The following PASD1 variants were observed in gnomAD, a reference collection of about 807,000 sequenced individuals.
PASD1 encodes the protein PAS domain containing repressor 1, also known as circadian clock protein PASD1.
Under a neutral mutation model 58.8 loss-of-function variants are expected in PASD1, and 13 were observed. The observed-to-expected ratio is 0.22, with a 90% confidence interval of 0.14 to 0.35. The LOEUF is 0.35. Among genes scored for constraint, PASD1 ranks in the 10% least tolerant of loss-of-function variants. The pLI, the probability that PASD1 is intolerant of heterozygous loss-of-function variation, is 1.00. For synonymous variants in PASD1, 236 were observed against 216.7 expected (o/e 1.09, Z -0.78); for missense variants, 734 against 568.3 (o/e 1.29, Z -2.96).
At chrX:151,674,309 C>T in intron 15 of PASD1, 123 bp downstream of exon 15, 1 of 891,188 alleles carries the variant, frequency 1.1e-6, no homozygotes, top group South Asian at 2.4e-5. Flanking sequence ...AAGCTCAGTA[C>T]ATTTGACGGC....
rs1365819952 is a variant in PASD1 at position 151,634,272 on chromosome X, C to G, written c.629+8742C>G. Among the ~76,000 whole-genome samples, 3 of 110,950 alleles carry G rather than the reference C, an allele frequency of 2.7e-5. No individual in the cohort carries two copies. The South Asian group carries it at 1.2e-3, about 43-fold the overall frequency. On this transcript the variant is annotated intron_variant, in intron 8 of 15. Coordinates refer to ENST00000370357, the MANE Select transcript of PASD1 (RefSeq NM_173493.3). ...CCATCTTTTCTTCCCTCTCTCTTCT[C>G]TCTCTCTTCATATAGATAGATATTT...
At position 151,604,748 on chromosome X, in the gene PASD1, T is replaced by G. The variant is rs878954560; in HGVS notation, c.117+14T>G. The G allele has an allele frequency of 9.7e-6, 11 of 1,128,678 alleles. No homozygotes were observed. The South Asian group carries it at 2.0e-4, about 21-fold the overall frequency. The allele number at this position is 1,128,678 out of a possible 1,213,427, so 93.0% of individuals were successfully genotyped here. ...GTGACGCTACAGGTAAGAGGGCTTT[T>G]GTTCTTTGATTACTTCATATGTTGA... On this transcript the variant is annotated intron_variant, in intron 3 of 15. Transcript: ENST00000370357.
chrX:151,632,398 T>A (rs371595448), intron 8 of PASD1, among the ~76,000 whole-genome samples: 3 of 110,926 alleles, frequency 2.7e-5, no homozygotes, highest in Admixed American at 9.6e-5. Context: ...GGCAGAAGCA[T>A]ATGTTTGAGA....
chrX:151,616,614 C>T (rs889708195), intron 4 of PASD1, among the ~76,000 whole-genome samples: 4 of 110,529 alleles, frequency 3.6e-5, no homozygotes, highest in Non-Finnish European at 7.6e-5. Flanking sequence ...TGTCATTCCC[C>T]CTGAAAATAA....
intron 14 of PASD1, chrX:151,673,653 C>T (rs1357050029): frequency 5.1e-6 from 2 of 388,509 alleles, no homozygotes; most frequent in Non-Finnish European, 9.0e-6. Context: ...TTTCCAAGGC[C>T]ACAGAGAGCA....
chrX:151,602,880 T>C (rs2013437861), intron 2 of PASD1, among the ~76,000 whole-genome samples: 1 of 111,950 alleles, frequency 8.9e-6, no homozygotes, highest in Non-Finnish European at 1.9e-5. Flanking sequence ...GATCTTGTCA[T>C]CTCTTTAAAT....
At chrX:151,635,938 T>C (rs1000633355) in intron 8 of PASD1, among the ~76,000 whole-genome samples, 5 of 111,921 alleles carry the variant, frequency 4.5e-5, no homozygotes, top group African/African-American at 1.6e-4. Context: ...TAGCTTGATT[T>C]AGCCATCCCG....
At chrX:151,577,815 T>C (rs2013032341) in intron 1 of PASD1, among the ~76,000 whole-genome samples, 2 of 112,066 alleles carry the variant, frequency 1.8e-5, no homozygotes, top group Middle Eastern at 4.7e-3. Context: ...CGTGAGCCAC[T>C]GCGCCCGGCC....
chrX:151,629,689 T>G (rs2013841555), intron 8 of PASD1, among the ~76,000 whole-genome samples: 2 of 112,195 alleles, frequency 1.8e-5, no homozygotes, highest in South Asian at 7.4e-4. Flanking sequence ...AACTCAAGTT[T>G]TGCTATAAGG....
At position 151,619,489 on chromosome X, in the gene PASD1, C is replaced by T. The variant is rs150289351; in HGVS notation, c.208-1441C>T. 4.3e-3 allele frequency among the ~76,000 whole-genome samples: 475 copies of T among 111,197 alleles called. 3 individuals are homozygous for T. The highest frequency in any genetic ancestry group is 0.014 in the African/African-American group (440 of 30,659). On this transcript the variant is annotated intron_variant, in intron 4 of 15. Transcript: ENST00000370357. ...CTAATGACTATAAGCCCTGGCACTC[C>T]GATGCCTAGTATTCAGGAAGCAAGA...
At chrX:151,608,438 A>T (rs2124258634) in intron 3 of PASD1, among the ~76,000 whole-genome samples, 1 of 111,805 alleles carries the variant, frequency 8.9e-6, no homozygotes, top group Admixed American at 9.6e-5. Flanking sequence ...GAAACGAATC[A>T]CTTGCTAGTT....
At chrX:151,661,027 C>T (rs1005989782) in intron 10 of PASD1, among the ~76,000 whole-genome samples, 19 of 110,629 alleles carry the variant, frequency 1.7e-4, no homozygotes, top group Admixed American at 1.1e-3. Flanking sequence ...GTGGCAGGCA[C>T]GCCTGTAGTC....
At chrX:151,590,730 G>A (rs779301017) in intron 1 of PASD1, among the ~76,000 whole-genome samples, 55 of 110,532 alleles carry the variant, frequency 5.0e-4, no homozygotes, top group African/African-American at 1.7e-3. Flanking sequence ...ACAGGTGCGC[G>A]CCATCATGCC....
chrX:151,674,065 C>T lies in PASD1; in HGVS notation c.2054C>T (p.Thr685Ile). 8.3e-7 allele frequency: 1 copy of T among 1,211,792 alleles called. No individual in the cohort carries two copies. The highest frequency in any genetic ancestry group is 1.1e-6 in the Non-Finnish European group (1 of 895,346). Residue 685 changes from threonine to isoleucine, a missense_variant, in exon 15 of 16, where the codon ACC becomes ATC. By Grantham distance (89) the Thr-to-Ile change is moderately conservative. Coordinates refer to ENST00000370357, the MANE Select transcript of PASD1 (RefSeq NM_173493.3). ...GACTCAACCATAAGCACCCTGGAGACCCCACAGGATTACATCCGGCTTTGG... is the reference window on the plus strand; with the variant it reads ...GACTCAACCATAAGCACCCTGGAGATCCCACAGGATTACATCCGGCTTTGG... ...TSDSTISTLE[T>I]PQDYIRLWQE...
intron 1 of PASD1, among the ~76,000 whole-genome samples, chrX:151,580,665 A>G (rs142689240): frequency 0.069 from 7,588 of 109,915 alleles, 324 homozygotes; most frequent in African/African-American, 0.15. Context: ...ATGCAATACA[A>G]TAAATACAAT....
chrX:151,638,206 A>G (rs1021391964), intron 8 of PASD1, among the ~76,000 whole-genome samples: 13 of 109,974 alleles, frequency 1.2e-4, no homozygotes, highest in Admixed American at 6.9e-4. Context: ...CAGAAAACCA[A>G]ACACCGCATG....
chrX:151,625,498 T>G lies in PASD1; in HGVS notation c.597T>G (p.Asp199Glu), dbSNP rs2013772155. 8.3e-7 allele frequency: 1 copy of G among 1,208,801 alleles called. No individual in the cohort carries two copies. Among genetic ancestry groups the G allele is most frequent in the Non-Finnish European group, 1.1e-6 (1 of 893,362 alleles). The change falls in exon 8 of 16, where the codon GAT (aspartate) becomes GAG (glutamate). Residue 199 changes from aspartate (D) to glutamate (E), a missense_variant. Coordinates refer to ENST00000370357, the MANE Select transcript of PASD1 (RefSeq NM_173493.3). ...AVSDEAVLTQ[D>E]SDEEPFVGEL... is the part of the protein sequence containing the mutation. ...GTGATGAAGCTGTACTTACACAAGA[T>G]TCAGATGAGGAACCTTTTGTGGGAG...
At chrX:151,618,842 T>TGAGA (rs745917610) in intron 4 of PASD1, among the ~76,000 whole-genome samples, 2 of 106,805 alleles carry the variant, frequency 1.9e-5, no homozygotes, top group Non-Finnish European at 1.9e-5. Flanking sequence ...TGGAGTGCAG[T>TGAGA]GAGAGAGAGA....
chrX:151,568,150 T>A (rs748774264), intron 1 of PASD1, among the ~76,000 whole-genome samples: 6 of 112,665 alleles, frequency 5.3e-5, no homozygotes, highest in Admixed American at 9.4e-5. Context: ...CTCCAAACAC[T>A]ATATAAATAT....
Sources: gnomAD v4.1 joint callset for allele counts (sites outside exome capture counted in the v4.1 genomes callset) on GRCh38, gnomAD v4.1.1 for gene constraint, MANE v1.5 for transcripts, NCBI Gene and HGNC (gene_info 2026-07-23, HGNC 2026-07-21) for gene names.